Variants in WWOX observed in about 807,000 individuals in gnomAD.
The protein encoded by WWOX is WW domain-containing oxidoreductase.
Under a neutral mutation model 46.2 loss-of-function variants are expected in WWOX, and 69 were observed. The ratio of observed to expected loss-of-function variants is 1.49; its 90% confidence interval spans 1.23 to 1.82. The LOEUF is 1.82. WWOX is among the 40% of genes most tolerant of loss of function. The pLI, the probability that WWOX is intolerant of heterozygous loss-of-function variation, is 0.00. For synonymous variants in WWOX, 359 were observed against 202.6 expected, an observed-to-expected ratio of 1.77 and a Z score of -6.56; for missense variants, 919 against 542.6, an observed-to-expected ratio of 1.69 and a Z score of -6.89.
At chr16:79,000,203 G>A (rs925317568) in intron 8 of WWOX, among the ~76,000 whole-genome samples, 1 of 152,088 alleles carries the variant, frequency 6.6e-6, no homozygotes, top group Non-Finnish European at 1.5e-5. Flanking sequence ...CACACGGCAC[G>A]TCATTGGCAG....
At position 78,109,794 on chromosome 16, in the gene WWOX, G is replaced by T; in HGVS notation, c.189G>T (p.Trp63Cys). The change falls in exon 3 of 9, where the codon TGG (tryptophan) becomes TGT (cysteine). Residue 63 changes from tryptophan to cysteine, a missense_variant. Transcript: ENST00000566780. ...GTGTTTCAGATTTGCCATACGGATG[G>T]GAACAAGAAACTGATGAGAACGGAC... ...KRVAGDLPYGWEQETDENGQV... is the reference protein window; with the variant it reads ...KRVAGDLPYGCEQETDENGQV... 6.2e-7 allele frequency: 1 copy of T among 1,614,058 alleles called. No individual in the cohort carries two copies. The highest frequency in any genetic ancestry group is 8.5e-7 in the Non-Finnish European group (1 of 1,180,014).
At chr16:78,515,755 A>G (rs1441384913) in intron 8 of WWOX, among the ~76,000 whole-genome samples, 2 of 152,190 alleles carry the variant, frequency 1.3e-5, no homozygotes, top group East Asian at 3.8e-4. Flanking sequence ...CACTTCTGCA[A>G]CAGTTTCTTC....
At chr16:79,014,608 A>G (rs1047735088) in intron 8 of WWOX, among the ~76,000 whole-genome samples, 9 of 152,144 alleles carry the variant, frequency 5.9e-5, no homozygotes, top group Admixed American at 4.6e-4. Context: ...CTGCTTTTTG[A>G]GCAGCTACTC....
chr16:78,143,459 C>G (rs2151709790), intron 4 of WWOX, among the ~76,000 whole-genome samples: 1 of 152,302 alleles, frequency 6.6e-6, no homozygotes, highest in South Asian at 2.1e-4. Context: ...CCGAGGCCCA[C>G]TTTTGTAAAT....
At chr16:78,975,052 G>C (rs1567452219) in intron 8 of WWOX, among the ~76,000 whole-genome samples, 1 of 152,144 alleles carries the variant, frequency 6.6e-6, no homozygotes, top group African/African-American at 2.4e-5. Flanking sequence ...CTTCACTATT[G>C]TCAAGGCTGG....
intron 8 of WWOX, among the ~76,000 whole-genome samples, chr16:78,752,558 A>G (rs1469070388): frequency 6.6e-6 from 1 of 152,222 alleles, no homozygotes; most frequent in Non-Finnish European, 1.5e-5. Flanking sequence ...GGTGTGAGCC[A>G]CCATGCCTGG....
intron 8 of WWOX, chr16:78,996,379 C>CCCA (rs2046989349): frequency 1.4e-6 from 1 of 717,588 alleles, no homozygotes; most frequent in Non-Finnish European, 1.6e-6. Context: ...TGCACCCACC[C>CCCA]CCGCCCCCCA....
At chr16:78,915,291 G>A (rs1389380797) in intron 8 of WWOX, among the ~76,000 whole-genome samples, 2 of 152,166 alleles carry the variant, frequency 1.3e-5, no homozygotes, top group Non-Finnish European at 2.9e-5. Flanking sequence ...CTGGTCACCT[G>A]TCCTTTATCT....
At chr16:78,722,955 T>C (rs182280494) in intron 8 of WWOX, among the ~76,000 whole-genome samples, 1 of 152,140 alleles carries the variant, frequency 6.6e-6, no homozygotes, top group East Asian at 1.9e-4. Context: ...GGCAGGAAGA[T>C]TGCTTGAGCC....
chr16:79,091,265 G>T (rs1015585424), intron 8 of WWOX, among the ~76,000 whole-genome samples: 1 of 152,060 alleles, frequency 6.6e-6, no homozygotes, highest in Non-Finnish European at 1.5e-5. Context: ...TAGTAGTTGG[G>T]GCATTTTTAT....
At chr16:78,785,724 T>G (rs1413647858) in intron 8 of WWOX, among the ~76,000 whole-genome samples, 1 of 152,216 alleles carries the variant, frequency 6.6e-6, no homozygotes, top group Admixed American at 6.5e-5. Context: ...GATATTTTCA[T>G]TTTTATTAAG....
intron 5 of WWOX, among the ~76,000 whole-genome samples, chr16:78,376,361 G>A (rs912559638): frequency 2.6e-5 from 4 of 152,262 alleles, no homozygotes; most frequent in South Asian, 2.1e-4. Flanking sequence ...AAAGTTGCAC[G>A]ATGTTTTTAC....
In WWOX at chr16:78,633,821, C is replaced by T. The variant is rs374589486; in HGVS notation, c.1056+201069C>T. Reference sequence around the variant, plus strand: ...GGGCTGTGTTCCCGAGTGCATCAAACGGGGATTGGGACCTGTTTTCCTTCC... The same window carrying T: ...GGGCTGTGTTCCCGAGTGCATCAAATGGGGATTGGGACCTGTTTTCCTTCC... On this transcript the variant is annotated intron_variant, in intron 8 of 8. Transcript: ENST00000566780. 7.9e-5 allele frequency among the ~76,000 whole-genome samples: 12 copies of T among 151,876 alleles called. No individual in the cohort carries two copies. The South Asian group carries it at 1.9e-3, about 24-fold the overall frequency.
At chr16:79,119,422 A>G (rs2150672373) in intron 8 of WWOX, among the ~76,000 whole-genome samples, 1 of 152,234 alleles carries the variant, frequency 6.6e-6, no homozygotes. Context: ...AATAATACCT[A>G]CTAGAGATTG....
At chr16:78,926,808 G>T (rs1020872976) in intron 8 of WWOX, among the ~76,000 whole-genome samples, 1 of 151,886 alleles carries the variant, frequency 6.6e-6, no homozygotes, top group South Asian at 2.1e-4. Flanking sequence ...TTTTGTTTTC[G>T]TTTTTTGAGA....
At chr16:78,325,004 G>A (rs1201041901) in intron 5 of WWOX, among the ~76,000 whole-genome samples, 3 of 152,124 alleles carry the variant, frequency 2.0e-5, no homozygotes, top group African/African-American at 7.2e-5. Context: ...CTCAGGGCCC[G>A]AGCTGCTCAT....
At chr16:78,360,186 G>T (rs527681065) in intron 5 of WWOX, among the ~76,000 whole-genome samples, 1 of 152,248 alleles carries the variant, frequency 6.6e-6, no homozygotes, top group South Asian at 2.1e-4. Context: ...AAGCAAGGGC[G>T]TTTTGACACC....
At chr16:78,546,139 T>A (rs2667647) in intron 8 of WWOX, among the ~76,000 whole-genome samples, 1 of 152,144 alleles carries the variant, frequency 6.6e-6, no homozygotes, top group Admixed American at 6.5e-5. Context: ...TAAAGAAATT[T>A]ACATAATTAA....
intron 8 of WWOX, among the ~76,000 whole-genome samples, chr16:79,098,112 T>C (rs2049114162): frequency 6.6e-6 from 1 of 152,186 alleles, no homozygotes; most frequent in South Asian, 2.1e-4. Flanking sequence ...CTTGAGACGC[T>C]CTTTAGTCCA....
Sources: allele counts gnomAD v4.1 joint callset (sites outside exome capture counted in the v4.1 genomes callset), GRCh38; gene constraint gnomAD v4.1.1; transcripts MANE v1.5; gene names NCBI Gene and HGNC (gene_info 2026-07-23, HGNC 2026-07-21).